PPARGC1A: variants seen among roughly 807,000 people sequenced by gnomAD.
PPARGC1A encodes PPARG coactivator 1 alpha, also known as peroxisome proliferator-activated receptor gamma coactivator 1-alpha.
A neutral mutation model predicts 88.7 loss-of-function variants in PPARGC1A; 25 were observed. The observed-to-expected ratio is 0.28, with a 90% CI of 0.21 to 0.39. The LOEUF is 0.39. Among genes scored for constraint, PPARGC1A ranks in the 10% least tolerant of loss-of-function variants. PPARGC1A has a pLI of 1.00. For missense variants in PPARGC1A, 880 were observed against 968.7 expected (o/e 0.91, Z 1.22); for synonymous variants, 363 against 355.6 (o/e 1.02, Z -0.24).
At chr4:24,325,416 G>A in the PPARGC1A span, among the ~76,000 whole-genome samples, 2 of 152,142 alleles carry the variant, frequency 1.3e-5, no homozygotes, top group African/African-American at 2.4e-5. Flanking sequence ...CAGCACACAA[G>A]AACTTCCAAA....
At chr4:24,383,032 C>T in the PPARGC1A span, among the ~76,000 whole-genome samples, 20 of 152,310 alleles carry the variant, frequency 1.3e-4, no homozygotes, top group African/African-American at 4.1e-4. Context: ...GAGGAAGGAA[C>T]GGGCAGCAAT....
chr4:24,177,438 G>A, the PPARGC1A span, among the ~76,000 whole-genome samples: 1 of 151,240 alleles, frequency 6.6e-6, no homozygotes. Flanking sequence ...GACACAGGAA[G>A]GGGAACATCA....
the PPARGC1A span, among the ~76,000 whole-genome samples, chr4:24,359,901 T>C: frequency 6.6e-6 from 1 of 152,226 alleles, no homozygotes; most frequent in Non-Finnish European, 1.5e-5. Flanking sequence ...TCTGTGGTTT[T>C]AAGCCATTCA....
chr4:23,843,361 TC>T (rs1727410355), intron 2 of PPARGC1A, among the ~76,000 whole-genome samples: 2 of 152,216 alleles, frequency 1.3e-5, no homozygotes, highest in South Asian at 4.1e-4. Context: ...CCTGAGTACA[TC>T]ACTTACAAGG....
the PPARGC1A span, among the ~76,000 whole-genome samples, chr4:24,398,310 C>T: frequency 6.6e-6 from 1 of 152,092 alleles, no homozygotes; most frequent in African/African-American, 2.4e-5. Flanking sequence ...TAAAAATTAA[C>T]ATTTCTGGCC....
chr4:23,871,232 G>A (rs1484552179), intron 2 of PPARGC1A, among the ~76,000 whole-genome samples: 1 of 150,152 alleles, frequency 6.7e-6, no homozygotes, highest in African/African-American at 2.5e-5. Context: ...AAGTGGTCCA[G>A]ACTAGATTTG....
At chr4:23,955,481 G>A in the PPARGC1A span, among the ~76,000 whole-genome samples, 1 of 152,034 alleles carries the variant, frequency 6.6e-6, no homozygotes, top group African/African-American at 2.4e-5. Flanking sequence ...AACTACTGAT[G>A]TAAAGGAGCA....
the PPARGC1A span, among the ~76,000 whole-genome samples, chr4:24,311,440 C>A: frequency 4.2e-5 from 6 of 144,108 alleles, no homozygotes; most frequent in South Asian, 1.4e-3. Context: ...TCGAGACCAT[C>A]CTGGCTAACA....
chr4:24,107,912 A>T, the PPARGC1A span, among the ~76,000 whole-genome samples: 1 of 152,194 alleles, frequency 6.6e-6, no homozygotes, highest in Admixed American at 6.5e-5. Context: ...AGGATGAAAA[A>T]TTTATTAGGT....
chr4:23,822,628 T>G (rs1283675521), intron 7 of PPARGC1A, among the ~76,000 whole-genome samples: 1 of 152,096 alleles, frequency 6.6e-6, no homozygotes, highest in Admixed American at 6.6e-5. Context: ...AGCGACCAAT[T>G]TTGCTGAAGA....
the PPARGC1A span, among the ~76,000 whole-genome samples, chr4:24,314,817 C>G: frequency 6.6e-6 from 1 of 152,190 alleles, no homozygotes; most frequent in Middle Eastern, 3.4e-3. Context: ...CTATAATTAA[C>G]TCAAGATTTG....
chr4:23,979,853 T>C, the PPARGC1A span, among the ~76,000 whole-genome samples: 1 of 152,094 alleles, frequency 6.6e-6, no homozygotes, highest in Non-Finnish European at 1.5e-5. Flanking sequence ...TGAGGACAGG[T>C]GTAGTGGATA....
the PPARGC1A span, among the ~76,000 whole-genome samples, chr4:24,040,681 C>T: frequency 2.6e-5 from 4 of 152,280 alleles, no homozygotes; most frequent in South Asian, 2.1e-4. Context: ...CTGAGTCTTT[C>T]GCTGAAATAA....
chr4:24,215,437 G>A, the PPARGC1A span, among the ~76,000 whole-genome samples: 3 of 151,938 alleles, frequency 2.0e-5, no homozygotes, highest in Non-Finnish European at 2.9e-5. Flanking sequence ...CTTTTTCGGA[G>A]AGAGAAAAAA....
the PPARGC1A span, among the ~76,000 whole-genome samples, chr4:24,208,760 G>A: frequency 2.7e-5 from 4 of 150,446 alleles, no homozygotes; most frequent in African/African-American, 9.7e-5. Context: ...CTTACTATGT[G>A]CCAGGCAAAA....
the PPARGC1A span, among the ~76,000 whole-genome samples, chr4:24,130,424 C>T: frequency 2.0e-5 from 3 of 152,096 alleles, no homozygotes; most frequent in Non-Finnish European, 4.4e-5. Flanking sequence ...TTTCTCCAGC[C>T]CATCACACTT....
chr4:24,435,222 G>A, the PPARGC1A span, among the ~76,000 whole-genome samples: 1 of 152,078 alleles, frequency 6.6e-6, no homozygotes, highest in Non-Finnish European at 1.5e-5. Context: ...GGTAGTATTA[G>A]AAGGACAGTG....
the PPARGC1A span, among the ~76,000 whole-genome samples, chr4:23,979,283 A>C: frequency 6.6e-6 from 1 of 152,194 alleles, no homozygotes; most frequent in East Asian, 1.9e-4. Context: ...AAATACTTTG[A>C]AATATCAATT....
At chr4:23,808,690 G>A (rs377316750) in intron 10 of PPARGC1A, among the ~76,000 whole-genome samples, 1 of 152,160 alleles carries the variant, frequency 6.6e-6, no homozygotes, top group South Asian at 2.1e-4. Context: ...TTACAGGAAA[G>A]TGCCAACTGA....
Sources: allele counts gnomAD v4.1 joint callset (sites outside exome capture counted in the v4.1 genomes callset), GRCh38; gene constraint gnomAD v4.1.1; transcripts MANE v1.5; gene names NCBI Gene and HGNC (gene_info 2026-07-23, HGNC 2026-07-21).